The following NDUFAF2 variants were observed in gnomAD, a reference collection of about 807,000 sequenced individuals.
NDUFAF2 encodes the protein NADH dehydrogenase [ubiquinone] 1 alpha subcomplex assembly factor 2.
Under a neutral mutation model 22.8 loss-of-function variants are expected in NDUFAF2, and 13 were observed. The observed-to-expected ratio is 0.57, with a 90% CI of 0.37 to 0.91. NDUFAF2 has a LOEUF of 0.91. NDUFAF2 is among the 40% of genes least tolerant of loss of function. The probability of loss-of-function intolerance (pLI) is 0.01; values close to 1 mark genes in which losing one functional copy is unlikely to be tolerated. For missense variants in NDUFAF2, 162 were observed against 195.2 expected, an observed-to-expected ratio of 0.83 and a Z score of 1.01; for synonymous variants, 53 against 64.2, an observed-to-expected ratio of 0.83 and a Z score of 0.84.
intron 1 of NDUFAF2, among the ~76,000 whole-genome samples, chr5:61,071,410 T>C (rs967521323): frequency 6.6e-6 from 1 of 152,204 alleles, no homozygotes; most frequent in Admixed American, 6.5e-5. Flanking sequence ...AGCCTTTCAC[T>C]TAATATTACT....
At chr5:61,114,092 G>T (rs891823985) in intron 3 of NDUFAF2, among the ~76,000 whole-genome samples, 1 of 151,992 alleles carries the variant, frequency 6.6e-6, no homozygotes, top group African/African-American at 2.4e-5. Context: ...GAAGTTCCTT[G>T]TTATTTTACC....
chr5:61,021,369 G>A (rs1351818981), intron 1 of NDUFAF2, among the ~76,000 whole-genome samples: 1 of 151,948 alleles, frequency 6.6e-6, no homozygotes, highest in African/African-American at 2.4e-5. Flanking sequence ...CTGACTCTCA[G>A]ACCTCTGCTC....
chr5:60,966,060 T>C (rs1750754588), intron 1 of NDUFAF2, among the ~76,000 whole-genome samples: 1 of 152,178 alleles, frequency 6.6e-6, no homozygotes. Context: ...ATACTAGCCA[T>C]TCGAATAGGT....
chr5:61,099,505 A>G (rs1752681383), intron 3 of NDUFAF2, among the ~76,000 whole-genome samples: 2 of 151,378 alleles, frequency 1.3e-5, no homozygotes, highest in Non-Finnish European at 3.0e-5. Flanking sequence ...AAAATACAGA[A>G]TTAGCAATTA....
chr5:61,040,209 A>G (rs2111678616), intron 1 of NDUFAF2, among the ~76,000 whole-genome samples: 1 of 149,294 alleles, frequency 6.7e-6, no homozygotes, highest in Admixed American at 6.8e-5. Flanking sequence ...ATTATGGTCG[A>G]CTCTAAATCT....
chr5:61,137,899 G>A (rs1740988341), intron 3 of NDUFAF2, among the ~76,000 whole-genome samples: 1 of 152,262 alleles, frequency 6.6e-6, no homozygotes, highest in Non-Finnish European at 1.5e-5. Flanking sequence ...AAGCTCTGGA[G>A]CAAGTATTGC....
intron 1 of NDUFAF2, among the ~76,000 whole-genome samples, chr5:61,004,974 C>T (rs1039276507): frequency 1.3e-5 from 2 of 151,626 alleles, no homozygotes; most frequent in African/African-American, 4.8e-5. Context: ...TTCTAGGGTA[C>T]GTGTGCACAA....
chr5:61,072,777 A>G (rs1156784302), intron 1 of NDUFAF2, among the ~76,000 whole-genome samples: 2 of 151,630 alleles, frequency 1.3e-5, no homozygotes, highest in Admixed American at 6.6e-5. Context: ...AATTTTTTGT[A>G]TTTTAGTAGA....
intron 1 of NDUFAF2, among the ~76,000 whole-genome samples, chr5:61,023,247 G>C (rs548950590): frequency 2.2e-4 from 34 of 151,572 alleles, no homozygotes; most frequent in Admixed American, 2.0e-3. Flanking sequence ...ATTTCTCTTT[G>C]GTTCTTTTAA....
chr5:61,028,263 C>G (rs1751677207), intron 1 of NDUFAF2, among the ~76,000 whole-genome samples: 1 of 151,956 alleles, frequency 6.6e-6, no homozygotes, highest in African/African-American at 2.4e-5. Flanking sequence ...TCCCCCCCAC[C>G]ACAATTTGCT....
At chr5:60,947,700 A>T (rs1750480741) in intron 1 of NDUFAF2, among the ~76,000 whole-genome samples, 1 of 147,300 alleles carries the variant, frequency 6.8e-6, no homozygotes, top group Non-Finnish European at 1.5e-5. Context: ...TGGGAGGCGG[A>T]TGTTGCAGTG....
At chr5:61,011,779 G>A (rs1297525291) in intron 1 of NDUFAF2, among the ~76,000 whole-genome samples, 1 of 152,040 alleles carries the variant, frequency 6.6e-6, no homozygotes, top group Non-Finnish European at 1.5e-5. Flanking sequence ...TGCTGTGAGG[G>A]CTGTCTTACT....
At chr5:61,089,843 A>G (rs1752545810) in intron 2 of NDUFAF2, among the ~76,000 whole-genome samples, 1 of 152,070 alleles carries the variant, frequency 6.6e-6, no homozygotes, top group East Asian at 1.9e-4. Context: ...TTTAGAAAAC[A>G]TATAACAGAG....
intron 2 of NDUFAF2, among the ~76,000 whole-genome samples, chr5:61,078,702 C>T (rs1752400062): frequency 6.6e-6 from 1 of 151,836 alleles, no homozygotes; most frequent in Admixed American, 6.6e-5. Context: ...GATCGCGCCA[C>T]TGCACTCCAG....
intron 3 of NDUFAF2, among the ~76,000 whole-genome samples, chr5:61,132,762 A>G (rs1025918243): frequency 1.3e-5 from 2 of 152,058 alleles, no homozygotes; most frequent in African/African-American, 4.8e-5. Context: ...TCGAGTAGTA[A>G]CTGCTTGTTA....
intron 1 of NDUFAF2, among the ~76,000 whole-genome samples, chr5:61,021,359 C>A (rs375414627): frequency 6.4e-4 from 14 of 21,740 alleles, no homozygotes; most frequent in Admixed American, 4.8e-3. Context: ...AGATCTGTCG[C>A]TGACTCTCAG....
intron 1 of NDUFAF2, among the ~76,000 whole-genome samples, chr5:60,974,043 T>TGCAAGG (rs1750869303): frequency 6.6e-6 from 1 of 152,162 alleles, no homozygotes; most frequent in African/African-American, 2.4e-5. Flanking sequence ...GGATGCAAGG[T>TGCAAGG]ATTGTTCTTC....
chr5:61,038,374 A>G (rs1251113887), intron 1 of NDUFAF2, among the ~76,000 whole-genome samples: 1 of 152,184 alleles, frequency 6.6e-6, no homozygotes, highest in African/African-American at 2.4e-5. Flanking sequence ...TGTGATTCAG[A>G]GACTTAGAAG....
At position 60,945,254 on chromosome 5, in the gene NDUFAF2, G is replaced by T. The variant is rs1231257408; in HGVS notation, c.-2G>T. ...GGCAGCGCTGGAAACTGGGTGGACGGCATGGGTTGGTCTCAGGATTTGTTC... is the reference window on the plus strand; with the variant it reads ...GGCAGCGCTGGAAACTGGGTGGACGTCATGGGTTGGTCTCAGGATTTGTTC... On this transcript the variant is annotated 5_prime_UTR_variant, in exon 1 of 4. Transcript: ENST00000296597. The T allele has an allele frequency of 1.9e-6, 3 of 1,612,584 alleles. No homozygotes were observed. Among genetic ancestry groups the T allele is most frequent in the East Asian group, 4.5e-5 (2 of 44,846 alleles).
Sources: allele counts gnomAD v4.1 joint callset (sites outside exome capture counted in the v4.1 genomes callset), GRCh38; gene constraint gnomAD v4.1.1; transcripts MANE v1.5; gene names NCBI Gene and HGNC (gene_info 2026-07-23, HGNC 2026-07-21).